The following GLIS3 variants were observed in gnomAD, a reference collection of about 807,000 sequenced individuals.
GLIS3 encodes GLIS family zinc finger 3.
Under a neutral mutation model 78.6 loss-of-function variants are expected in GLIS3, and 53 were observed. That is an observed-to-expected ratio of 0.67 (90% CI 0.54 to 0.85). GLIS3 has a LOEUF of 0.85. GLIS3 is among the 40% of genes least tolerant of loss of function. The pLI is 0.00. For synonymous variants in GLIS3, 684 were observed against 509.9 expected, an observed-to-expected ratio of 1.34 and a Z score of -4.60; for missense variants, 1,703 against 1,231.1, an observed-to-expected ratio of 1.38 and a Z score of -5.74.
chr9:4,237,555 G>C (rs769310250), intron 2 of GLIS3, among the ~76,000 whole-genome samples: 3 of 152,210 alleles, frequency 2.0e-5, no homozygotes, highest in Non-Finnish European at 4.4e-5. Flanking sequence ...CATTCAAAAT[G>C]ATAGTACTTT....
chr9:4,467,957 G>C, the GLIS3 span, among the ~76,000 whole-genome samples: 3 of 152,202 alleles, frequency 2.0e-5, no homozygotes, highest in Non-Finnish European at 4.4e-5. Flanking sequence ...ACCTGATGGA[G>C]CTGAAATTCA....
intron 9 of GLIS3, among the ~76,000 whole-genome samples, chr9:3,852,400 C>T (rs1163718915): frequency 6.6e-6 from 1 of 152,152 alleles, no homozygotes; most frequent in Admixed American, 6.5e-5. Context: ...TGAGCTATTG[C>T]ATTAGCAACC....
chr9:3,904,644 G>C (rs534749903), intron 6 of GLIS3, among the ~76,000 whole-genome samples: 1 of 152,284 alleles, frequency 6.6e-6, no homozygotes, highest in African/African-American at 2.4e-5. Context: ...AAAAGGGCTG[G>C]ATGTGCATAG....
chr9:4,098,944 G>A (rs573674581), intron 4 of GLIS3, among the ~76,000 whole-genome samples: 31 of 152,266 alleles, frequency 2.0e-4, no homozygotes, highest in African/African-American at 7.2e-4. Context: ...GTCAGCTTCA[G>A]AAAACACACA....
At chr9:3,980,813 TTTCTTCTTC>T (rs201436802) in intron 4 of GLIS3, among the ~76,000 whole-genome samples, 1 of 152,058 alleles carries the variant, frequency 6.6e-6, no homozygotes, top group African/African-American at 2.4e-5. Context: ...CTCACTGACT[TTTCTTCTTC>T]TTCTTCTTCT....
At chr9:4,024,744 C>T (rs1231723746) in intron 4 of GLIS3, among the ~76,000 whole-genome samples, 1 of 152,156 alleles carries the variant, frequency 6.6e-6, no homozygotes, top group Non-Finnish European at 1.5e-5. Context: ...AATTCTTCTT[C>T]TTCTGTATAA....
At chr9:4,065,541 G>GT (rs1465102931) in intron 4 of GLIS3, among the ~76,000 whole-genome samples, 4 of 152,060 alleles carry the variant, frequency 2.6e-5, no homozygotes, top group Non-Finnish European at 5.9e-5. Flanking sequence ...AATGTATTAA[G>GT]TAACACAAAT....
chr9:3,930,085 G>A (rs1161145932), intron 6 of GLIS3, among the ~76,000 whole-genome samples: 1 of 152,168 alleles, frequency 6.6e-6, no homozygotes, highest in Non-Finnish European at 1.5e-5. Flanking sequence ...TCCTTTTTCT[G>A]TTGGATGGAG....
At chr9:4,387,143 T>A in the GLIS3 span, among the ~76,000 whole-genome samples, 2 of 152,180 alleles carry the variant, frequency 1.3e-5, no homozygotes, top group African/African-American at 4.8e-5. Context: ...TCAGAAATGT[T>A]TGTTATAGAG....
intron 4 of GLIS3, among the ~76,000 whole-genome samples, chr9:4,078,288 G>C (rs1244076657): frequency 6.6e-6 from 1 of 152,066 alleles, no homozygotes; most frequent in Non-Finnish European, 1.5e-5. Flanking sequence ...TGGAGGTATG[G>C]AGTATCCTGC....
At chr9:4,340,678 C>G (rs1458321633) in intron 2 of GLIS3, among the ~76,000 whole-genome samples, 2 of 152,102 alleles carry the variant, frequency 1.3e-5, no homozygotes, top group Non-Finnish European at 2.9e-5. Flanking sequence ...CAGATCCCAC[C>G]TGATTCTTGT....
Position 3,879,645 on chromosome 9 carries a change from C to T in GLIS3, c.2129-50G>A, listed in dbSNP as rs765345268. The T allele has an allele frequency of 3.4e-5, 55 of 1,601,212 alleles. No individual in the cohort carries two copies. The East Asian group carries it at 5.4e-4, about 16-fold the overall frequency. Reference sequence around the variant, plus strand: ...GAGACCGTGCCCCAAAGGAAGCCCACGTTTTTTAAATACCGAAGCCTGACA... The same window carrying T: ...GAGACCGTGCCCCAAAGGAAGCCCATGTTTTTTAAATACCGAAGCCTGACA... On this transcript the variant is annotated intron_variant, in intron 7 of 10. Transcript: ENST00000381971.
chr9:4,403,110 T>C, the GLIS3 span, among the ~76,000 whole-genome samples: 2 of 152,128 alleles, frequency 1.3e-5, no homozygotes, highest in African/African-American at 4.8e-5. Flanking sequence ...AAGTCCAACA[T>C]GTCTGGCAGC....
chr9:4,368,700 T>C, the GLIS3 span, among the ~76,000 whole-genome samples: 2 of 152,178 alleles, frequency 1.3e-5, no homozygotes, highest in Non-Finnish European at 2.9e-5. Flanking sequence ...ACCTAATGGA[T>C]GACTTTGACG....
At chr9:4,082,510 T>C (rs1828640490) in intron 4 of GLIS3, among the ~76,000 whole-genome samples, 1 of 152,206 alleles carries the variant, frequency 6.6e-6, no homozygotes, top group Admixed American at 6.5e-5. Context: ...AAACAACCTA[T>C]CTTATGAGAC....
the GLIS3 span, among the ~76,000 whole-genome samples, chr9:4,392,726 T>G: frequency 6.6e-6 from 1 of 152,254 alleles, no homozygotes; most frequent in African/African-American, 2.4e-5. Flanking sequence ...TGTTTCTGAA[T>G]GAATTAATTA....
intron 2 of GLIS3, among the ~76,000 whole-genome samples, chr9:4,243,740 C>T (rs1823545184): frequency 6.6e-6 from 1 of 152,186 alleles, no homozygotes; most frequent in South Asian, 2.1e-4. Context: ...AGCCTCTCAT[C>T]TGCCTGGAAT....
chr9:4,467,567 G>C, the GLIS3 span, among the ~76,000 whole-genome samples: 277 of 152,324 alleles, frequency 1.8e-3, no homozygotes, highest in African/African-American at 6.4e-3. Flanking sequence ...GCAGCTGAGG[G>C]ACCTGACTGT....
intron 2 of GLIS3, among the ~76,000 whole-genome samples, chr9:4,231,037 A>T (rs1382685974): frequency 6.6e-6 from 1 of 152,134 alleles, no homozygotes; most frequent in Non-Finnish European, 1.5e-5. Flanking sequence ...GTGACACTGC[A>T]CTCCAGCCTA....
Sources: gnomAD v4.1 joint callset for allele counts (sites outside exome capture counted in the v4.1 genomes callset) on GRCh38, gnomAD v4.1.1 for gene constraint, MANE v1.5 for transcripts, NCBI Gene and HGNC (gene_info 2026-07-23, HGNC 2026-07-21) for gene names.